Variants in GALNT7 observed in about 807,000 individuals in gnomAD.
GALNT7 encodes the protein polypeptide N-acetylgalactosaminyltransferase 7.
In GALNT7, 60 loss-of-function variants were observed where a neutral mutation model predicts 82.1. The observed-to-expected ratio is 0.73, with a 90% CI of 0.59 to 0.91. GALNT7 has a LOEUF of 0.91. Ranked by LOEUF, GALNT7 falls within the 40% of genes least tolerant of loss-of-function variation. GALNT7 has a pLI of 0.00. For missense variants in GALNT7, 660 were observed against 804.2 expected, an observed-to-expected ratio of 0.82 and a Z score of 2.17; for synonymous variants, 243 against 275.1, an observed-to-expected ratio of 0.88 and a Z score of 1.15.
rs906677163 is a variant in GALNT7, at chr4:173,323,150, T to C, written c.*1433T>C. On this transcript the variant is annotated 3_prime_UTR_variant, in exon 12 of 12. Transcript: ENST00000265000. ...CTTAAAAAAAAAAAAACAACTGTGA[T>C]GATGTGAGCAGAATGGCAAGTAAGT... 1 of 151,218 alleles carries C rather than the reference T, an allele frequency of 6.6e-6. No homozygotes were observed. Among genetic ancestry groups the C allele is most frequent in the Admixed American group, 6.6e-5 (1 of 15,154 alleles). 9.4% of individuals were successfully genotyped at this position (151,218 alleles called of 1,614,324 possible). A position where few individuals can be genotyped will look rare whatever the true frequency, so the allele number is the denominator to read the frequency against.
chr4:173,186,787 T>G (rs1732474397), intron 1 of GALNT7, among the ~76,000 whole-genome samples: 1 of 152,120 alleles, frequency 6.6e-6, no homozygotes, highest in Non-Finnish European at 1.5e-5. Context: ...TTACTTTTTT[T>G]TTTTTGAGAT....
chr4:173,209,473 A>G (rs996358489), intron 1 of GALNT7, among the ~76,000 whole-genome samples: 1 of 152,228 alleles, frequency 6.6e-6, no homozygotes, highest in African/African-American at 2.4e-5. Context: ...CAATAATTCT[A>G]GTCTTCTCTG....
chr4:173,286,733 G>T (rs1335021478), intron 2 of GALNT7, among the ~76,000 whole-genome samples: 1 of 152,164 alleles, frequency 6.6e-6, no homozygotes, highest in East Asian at 1.9e-4. Context: ...TTATGAGGTG[G>T]TATAAAGGGC....
At chr4:173,256,458 T>C (rs1157645665) in intron 2 of GALNT7, among the ~76,000 whole-genome samples, 1 of 152,224 alleles carries the variant, frequency 6.6e-6, no homozygotes, top group Non-Finnish European at 1.5e-5. Flanking sequence ...TTGGTTTCTT[T>C]AGGGCTCTGG....
chr4:173,299,161 G>A (rs931660583), intron 6 of GALNT7, among the ~76,000 whole-genome samples: 2 of 152,154 alleles, frequency 1.3e-5, no homozygotes, highest in African/African-American at 4.8e-5. Context: ...TCTGTTTTGG[G>A]AAGGTGCTTC....
rs1013087251 is a variant in GALNT7 at position 173,188,666 on chromosome 4, C to T, written c.126+19705C>T. Among the ~76,000 whole-genome samples the T allele has an allele frequency of 5.9e-5, 9 of 152,290 alleles. 1 individual carries two copies. The highest frequency in any genetic ancestry group is 3.9e-4 in the Admixed American group (6 of 15,296). ...GGGGAGGAATCTGGCTGCCTCTGCT[C>T]GCTGAATTCTGCCTTGAGGCCTTCC... On this transcript the variant is annotated intron_variant, in intron 1 of 11. Transcript: ENST00000265000.
chr4:173,188,614 C>A (rs943477871), intron 1 of GALNT7, among the ~76,000 whole-genome samples: 1 of 152,150 alleles, frequency 6.6e-6, no homozygotes, highest in African/African-American at 2.4e-5. Flanking sequence ...GAAGAGAAAG[C>A]GCTGTGGACA....
chr4:173,178,048 T>TGC (rs566263598), intron 1 of GALNT7, among the ~76,000 whole-genome samples: 5,121 of 113,334 alleles, frequency 0.045, 107 homozygotes, highest in Middle Eastern at 0.065. Context: ...TGTGTGTGTG[T>TGC]GTGTGCGCGC....
chr4:173,223,224 A>G (rs1394156429), intron 1 of GALNT7, among the ~76,000 whole-genome samples: 2 of 152,222 alleles, frequency 1.3e-5, no homozygotes, highest in Admixed American at 6.5e-5. Flanking sequence ...TATTCTGCAT[A>G]GGACTCCATT....
intron 1 of GALNT7, among the ~76,000 whole-genome samples, chr4:173,182,615 C>CA (rs1413181948): frequency 6.6e-6 from 1 of 151,958 alleles, no homozygotes; most frequent in African/African-American, 2.4e-5. Context: ...CATGTGGGCA[C>CA]ACAGCGTGTT....
intron 9 of GALNT7, chr4:173,317,377 T>A (rs1737642173): frequency 7.0e-6 from 2 of 285,092 alleles, no homozygotes; most frequent in Non-Finnish European, 1.3e-5. Flanking sequence ...TGGTAACTTT[T>A]TTTTTCTCTG....
chr4:173,216,722 T>C (rs1272749526), intron 1 of GALNT7, among the ~76,000 whole-genome samples: 3 of 44,048 alleles, frequency 6.8e-5, no homozygotes, highest in Admixed American at 2.8e-4. Context: ...TATATATATA[T>C]ATATATTTTT....
chr4:173,282,488 G>A (rs1006863532), intron 2 of GALNT7: 1 of 152,152 alleles, frequency 6.6e-6, no homozygotes, highest in East Asian at 1.9e-4. Flanking sequence ...TGCCCCAACT[G>A]ATTTTTTCTT....
intron 7 of GALNT7, 31 bp from the exon 8 acceptor site, chr4:173,303,965 A>T (rs557905563): frequency 6.3e-7 from 1 of 1,580,978 alleles, no homozygotes; most frequent in East Asian, 2.3e-5. Flanking sequence ...TGTATTTGAA[A>T]CAACTTTCAC....
At position 173,322,009 on chromosome 4, in the gene GALNT7, G is replaced by C. The variant is rs1221894541; in HGVS notation, c.*292G>C. ...GCCTTTAGCTCTGTTTTATTAGACA[G>C]AGTTAAAGCATGTTGTCTTCTTTGG... On this transcript the variant is annotated 3_prime_UTR_variant, in exon 12 of 12. Coordinates refer to ENST00000265000, the MANE Select transcript of GALNT7 (RefSeq NM_017423.3). 1 of 223,410 alleles carries C rather than the reference G, an allele frequency of 4.5e-6. No individual in the cohort carries two copies. The allele number at this position is 223,410 out of a possible 1,614,324, so 13.8% of individuals were successfully genotyped here. A position where few individuals can be genotyped will look rare whatever the true frequency, so the allele number is the denominator to read the frequency against.
In GALNT7 at chr4:173,248,048, A is replaced by T; in HGVS notation, c.195A>T (p.Arg65Ser). ...GGNGLAPGEDRFKPVVPWPHV... is the reference protein window; with the variant it reads ...GGNGLAPGEDSFKPVVPWPHV... ...ATGGACTAGCTCCTGGGGAGGACAG[A>T]TTCAAACCTGTGGTACCATGGCCTC... Residue 65 changes from arginine to serine, a missense_variant, in exon 2 of 12, where the codon AGA becomes AGT. Around this residue, in one of 2 missense-constraint regions of GALNT7, gnomAD observed 133 missense variants for 120.7 expected, o/e 1.10. Transcript: ENST00000265000. 1 of 1,613,770 alleles carries T rather than the reference A, an allele frequency of 6.2e-7. No individual in the cohort carries two copies. The highest frequency in any genetic ancestry group is 8.5e-7 in the Non-Finnish European group (1 of 1,179,756).
At chr4:173,306,451 T>C (rs77682568) in intron 8 of GALNT7, among the ~76,000 whole-genome samples, 5,130 of 152,318 alleles carry the variant, frequency 0.034, 282 homozygotes, top group African/African-American at 0.12. Flanking sequence ...TTCTTAATTG[T>C]AGAGGAAGAG....
At chr4:173,250,208 G>T (rs1245722536) in intron 2 of GALNT7, among the ~76,000 whole-genome samples, 2 of 152,136 alleles carry the variant, frequency 1.3e-5, no homozygotes, top group Admixed American at 1.3e-4. Context: ...CACACCTGAG[G>T]TATATATCTC....
chr4:173,267,462 G>C (rs1245696770), intron 2 of GALNT7, among the ~76,000 whole-genome samples: 1 of 152,214 alleles, frequency 6.6e-6, no homozygotes, highest in Non-Finnish European at 1.5e-5. Context: ...TTACCAGCCA[G>C]TGGCTTCTGC....
Sources: gnomAD v4.1 joint callset for allele counts (sites outside exome capture counted in the v4.1 genomes callset) on GRCh38, gnomAD v4.1.1 for gene constraint, gnomAD v4.1.1 regional missense constraint, MANE v1.5 for transcripts, NCBI Gene and HGNC (gene_info 2026-07-23, HGNC 2026-07-21) for gene names.